Variants in USH2A observed in about 807,000 individuals in gnomAD.
The protein encoded by USH2A is Usher syndrome 2A (autosomal recessive, mild).
Under a neutral mutation model 538.9 loss-of-function variants are expected in USH2A, and 443 were observed. The observed-to-expected ratio is 0.82, with a 90% CI of 0.76 to 0.89. The LOEUF (loss-of-function observed/expected upper bound fraction) is 0.89, where lower values mean the gene tolerates loss of function less well. Ranked by LOEUF, USH2A falls within the 40% of genes least tolerant of loss-of-function variation. The pLI is 0.00. For synonymous variants in USH2A, 2,413 were observed against 2,273.5 expected, an observed-to-expected ratio of 1.06 and a Z score of -1.75; for missense variants, 6,633 against 6,324.8, an observed-to-expected ratio of 1.05 and a Z score of -1.65.
chr1:216,202,342 A>G (rs1378485136), intron 16 of USH2A, among the ~76,000 whole-genome samples: 4 of 152,216 alleles, frequency 2.6e-5, no homozygotes, highest in Non-Finnish European at 5.9e-5. Flanking sequence ...CTTAATAAGA[A>G]ATTAGAATCA....
chr1:215,791,323 C>T (rs566690943), intron 50 of USH2A, among the ~76,000 whole-genome samples: 1 of 152,238 alleles, frequency 6.6e-6, no homozygotes, highest in East Asian at 1.9e-4. Flanking sequence ...CGACTGATAA[C>T]ATAAAGAACC....
intron 49 of USH2A, among the ~76,000 whole-genome samples, chr1:215,812,739 A>G (rs961982404): frequency 2.0e-5 from 3 of 152,184 alleles, no homozygotes; most frequent in African/African-American, 7.2e-5. Flanking sequence ...TTACTTTTGT[A>G]TTCTCAATTA....
At position 215,877,919 on chromosome 1, in the gene USH2A, A is replaced by G. The variant is rs761538799; in HGVS notation, c.8559-39T>C. 1.2e-5 allele frequency: 19 copies of G among 1,611,466 alleles called. No individual in the cohort carries two copies. The East Asian group carries it at 2.9e-4, about 25-fold the overall frequency. On this transcript the variant is annotated intron_variant, in intron 42 of 71. Coordinates refer to ENST00000307340, the MANE Select transcript of USH2A (RefSeq NM_206933.4). ...CAAGCAGGAACATCAGGATTATCTC[A>G]ACTCATATTGAGATTACCAAAACTC...
intron 14 of USH2A, among the ~76,000 whole-genome samples, chr1:216,220,010 C>T (rs1034115578): frequency 2.6e-5 from 4 of 152,114 alleles, no homozygotes; most frequent in Admixed American, 2.0e-4. Flanking sequence ...CATATACCTT[C>T]CTTTCTTAGG....
chr1:216,284,091 C>A (rs56357273), intron 11 of USH2A, among the ~76,000 whole-genome samples: 6,327 of 152,016 alleles, frequency 0.042, 225 homozygotes, highest in African/African-American at 0.091. Context: ...CTTTCTCTCT[C>A]TATATATATA....
intron 44 of USH2A, among the ~76,000 whole-genome samples, chr1:215,848,082 AACTG>A (rs2102825152): frequency 6.6e-6 from 1 of 152,300 alleles, no homozygotes; most frequent in Admixed American, 6.5e-5. Context: ...CATCGGCAGG[AACTG>A]ACTATTAAAA....
chr1:216,063,880 C>T (rs778242964), intron 30 of USH2A, among the ~76,000 whole-genome samples: 18 of 152,122 alleles, frequency 1.2e-4, no homozygotes, highest in Non-Finnish European at 2.5e-4. Context: ...CAAAACATCA[C>T]CAAATTTCTA....
intron 21 of USH2A, among the ~76,000 whole-genome samples, chr1:216,170,627 A>G (rs1387190855): frequency 6.6e-6 from 1 of 152,062 alleles, no homozygotes; most frequent in Non-Finnish European, 1.5e-5. Flanking sequence ...CCTTCCCCCA[A>G]ATGATCATGG....
rs546806563 is a variant in USH2A at position 216,194,904 on chromosome 1, G to A, written c.4251+1649C>T. ...GTGGTACAGGCAGATGAGCCACTTG[G>A]GACATAACATGTAGTAATTTTTACA... On this transcript the variant is annotated intron_variant, in intron 19 of 71. Coordinates refer to ENST00000307340, the MANE Select transcript of USH2A (RefSeq NM_206933.4). Among the ~76,000 whole-genome samples the A allele has an allele frequency of 2.1e-4, 32 of 152,208 alleles. No homozygotes were observed. In the South Asian group the frequency reaches 6.2e-3, roughly 30 times the overall value.
Position 215,888,526 on chromosome 1 carries a change from C to T in USH2A, c.8123G>A (p.Gly2708Asp), listed in dbSNP as rs1024843872. ...TTCTACCCAAGCACTGCTGTTTGTG[C>T]CTCCATGAAGAGTGCTCATCAGTAC... ...YRVLMSTLHG[G>D]TNSSAWVEVT... Residue 2708 changes from glycine (G) to aspartate (D), a missense_variant, in exon 41 of 72, where the codon GGC (glycine) becomes GAC (aspartate). Transcript: ENST00000307340. The T allele has an allele frequency of 1.9e-6, 3 of 1,614,138 alleles. No individual in the cohort carries two copies. In the East Asian group the frequency reaches 6.7e-5, roughly 36 times the overall value.
intron 21 of USH2A, among the ~76,000 whole-genome samples, chr1:216,144,278 A>C (rs1306834646): frequency 1.3e-5 from 2 of 152,160 alleles, no homozygotes; most frequent in Non-Finnish European, 2.9e-5. Flanking sequence ...GGAAAGAACA[A>C]AGAAGACTTC....
intron 38 of USH2A, among the ~76,000 whole-genome samples, chr1:215,925,048 A>C (rs1666203517): frequency 6.6e-6 from 1 of 152,152 alleles, no homozygotes; most frequent in Admixed American, 6.6e-5. Flanking sequence ...CAAAAAGTGA[A>C]AAAATTGTTC....
In USH2A at chr1:216,199,867, C is replaced by T. The variant is rs527785678; in HGVS notation, c.3571G>A (p.Gly1191Ser). ...KYILSCAPLA[G>S]GQPCVSYEGH... ...TCGTAGGAAACACATGGCTGACCAC[C>T]AGCCAAAGGGGCACAGGACAAAATA... The change falls in exon 17 of 72, where the codon GGT becomes AGT. Residue 1191 changes from glycine (G) to serine (S), a missense_variant. Coordinates refer to ENST00000307340, the MANE Select transcript of USH2A (RefSeq NM_206933.4). 5.0e-6 allele frequency: 8 copies of T among 1,614,146 alleles called. No individual in the cohort carries two copies. The African/African-American group carries it at 1.1e-4, about 22-fold the overall frequency.
chr1:216,101,441 T>C (rs1312432827), intron 21 of USH2A, among the ~76,000 whole-genome samples: 2 of 152,204 alleles, frequency 1.3e-5, no homozygotes, highest in African/African-American at 2.4e-5. Flanking sequence ...ATGTGACTTG[T>C]GTTGGCCAAA....
intron 21 of USH2A, among the ~76,000 whole-genome samples, chr1:216,166,777 G>A (rs1276318528): frequency 2.0e-5 from 3 of 152,028 alleles, no homozygotes; most frequent in African/African-American, 4.8e-5. Context: ...ATGAAGGGAA[G>A]AAGCTGAGAA....
At chr1:216,068,598 A>G (rs899814227) in intron 30 of USH2A, among the ~76,000 whole-genome samples, 1 of 152,200 alleles carries the variant, frequency 6.6e-6, no homozygotes, top group Non-Finnish European at 1.5e-5. Context: ...CGTTAAAAAT[A>G]TAAGTGAGAG....
chr1:216,158,343 C>G (rs971193835), intron 21 of USH2A, among the ~76,000 whole-genome samples: 5 of 152,058 alleles, frequency 3.3e-5, no homozygotes, highest in African/African-American at 9.7e-5. Context: ...TCAAGAGATT[C>G]TCTTACCTCA....
chr1:215,733,639 A>C (rs992501422), intron 60 of USH2A, among the ~76,000 whole-genome samples: 1 of 152,256 alleles, frequency 6.6e-6, no homozygotes, highest in Non-Finnish European at 1.5e-5. Context: ...CAATGTGGAT[A>C]TAGGTATTGG....
chr1:215,846,621 A>C (rs1571743490), intron 44 of USH2A, among the ~76,000 whole-genome samples: 1 of 152,206 alleles, frequency 6.6e-6, no homozygotes. Flanking sequence ...ATTTCCTTTA[A>C]ATATTTTAAT....
Sources: allele counts gnomAD v4.1 joint callset (sites outside exome capture counted in the v4.1 genomes callset), GRCh38; gene constraint gnomAD v4.1.1; transcripts MANE v1.5; gene names NCBI Gene and HGNC (gene_info 2026-07-23, HGNC 2026-07-21).